The following ASXL1 variants were observed in gnomAD, a reference collection of about 807,000 sequenced individuals.
The protein encoded by ASXL1 is ASXL transcriptional regulator 1.
Under a neutral mutation model 89.1 loss-of-function variants are expected in ASXL1, and 65 were observed. That is an observed-to-expected ratio of 0.73 (90% CI 0.60 to 0.90). ASXL1 has a LOEUF of 0.90. Among genes scored for constraint, ASXL1 ranks in the 40% least tolerant of loss-of-function variants. The probability of loss-of-function intolerance (pLI) is 0.00; values close to 1 mark genes in which losing one functional copy is unlikely to be tolerated. For missense variants in ASXL1, 1,786 were observed against 1,942.9 expected (o/e 0.92, Z 1.52); for synonymous variants, 739 against 746.9 (o/e 0.99, Z 0.17).
At chr20:32,409,194 C>T (rs1435832905) in intron 4 of ASXL1, among the ~76,000 whole-genome samples, 1 of 151,978 alleles carries the variant, frequency 6.6e-6, no homozygotes, top group Non-Finnish European at 1.5e-5. Context: ...AGGCTGTTCT[C>T]AAACTCTTGA....
Position 32,429,803 on chromosome 20 carries a change from TG to T in ASXL1, c.566-96del. 2 of 1,486,636 alleles carry T rather than the reference TG, an allele frequency of 1.3e-6. No homozygotes were observed. Among genetic ancestry groups the T allele is most frequent in the East Asian group, 2.3e-5 (1 of 44,118 alleles). 92.1% of individuals were successfully genotyped at this position (1,486,636 alleles called of 1,614,324 possible). ...GGAGATGGAAGCATCCCAGTATTGC[TG>T]GCAGCATCTCAGGGAGAGCTGGGAG... On this transcript the variant is annotated intron_variant, in intron 7 of 12. Transcript: ENST00000375687. The surrounding 1 kb of genome is among the most constrained non-coding windows in gnomAD (Gnocchi z 4.9).
At chr20:32,365,111 TA>T (rs2122800053) in intron 1 of ASXL1, among the ~76,000 whole-genome samples, 1 of 152,170 alleles carries the variant, frequency 6.6e-6, no homozygotes, top group South Asian at 2.1e-4. Flanking sequence ...TTAGATGAAT[TA>T]AGAGTAGAGC....
chr20:32,393,835 G>A (rs908270960), intron 4 of ASXL1, among the ~76,000 whole-genome samples: 2 of 151,558 alleles, frequency 1.3e-5, no homozygotes, highest in African/African-American at 2.4e-5. Flanking sequence ...TGTTTTTTTC[G>A]TTTTTGTTTT....
intron 12 of ASXL1, 169 bp downstream of exon 12, chr20:32,434,086 T>C (rs1229546402): frequency 1.0e-6 from 1 of 985,054 alleles, no homozygotes; most frequent in Admixed American, 2.8e-5. Context: ...ATAGGTTCTT[T>C]TCTTCCTCAC....
intron 4 of ASXL1, among the ~76,000 whole-genome samples, chr20:32,414,612 A>G (rs1302648829): frequency 6.6e-6 from 1 of 152,136 alleles, no homozygotes; most frequent in East Asian, 1.9e-4. Flanking sequence ...AATTTTATTT[A>G]TCTTTGTTTC....
intron 4 of ASXL1, among the ~76,000 whole-genome samples, chr20:32,369,998 C>T (rs9798511): frequency 0.35 from 53,602 of 151,728 alleles, 10,529 homozygotes; most frequent in East Asian, 0.74. Flanking sequence ...GGATTACAGG[C>T]GTGAGCCACT....
Position 32,436,658 on chromosome 20 carries a change from C to G in ASXL1, c.3946C>G (p.Arg1316Gly), listed in dbSNP as rs773951405. The G allele has an allele frequency of 1.2e-6, 2 of 1,614,062 alleles. No homozygotes were observed. Among genetic ancestry groups the G allele is most frequent in the South Asian group, 2.2e-5 (2 of 91,082 alleles). ...TGGGAATGTGGCTGCAACCCTTCAG[C>G]GCCCCAGGCCTGCGGACCCGATGCC... ...GSGNVAATLQ[R>G]PRPADPMPLP... The change falls in exon 13 of 13, where the codon CGC becomes GGC. Residue 1316 changes from arginine to glycine, a missense_variant. Arg to Gly is a moderately radical substitution (Grantham distance 125). Around this residue, in one of 3 missense-constraint regions of ASXL1, gnomAD observed 1,418 missense variants for 1,427.8 expected, o/e 0.99. Transcript: ENST00000375687.
chr20:32,390,022 C>T (rs1024699668), intron 4 of ASXL1, among the ~76,000 whole-genome samples: 1 of 152,112 alleles, frequency 6.6e-6, no homozygotes, highest in Non-Finnish European at 1.5e-5. Flanking sequence ...ACAGATGGTC[C>T]TTGACTTATG....
At chr20:32,370,726 T>C (rs1055144281) in intron 4 of ASXL1, among the ~76,000 whole-genome samples, 2 of 152,174 alleles carry the variant, frequency 1.3e-5, no homozygotes, top group African/African-American at 2.4e-5. Flanking sequence ...TAAATAAAGT[T>C]TATCTTGGGG....
At position 32,433,711 on chromosome 20, in the gene ASXL1, G is replaced by A. The variant is rs561374294; in HGVS notation, c.1513G>A (p.Asp505Asn). Residue 505 changes from aspartate (D) to asparagine (N), a missense_variant, in exon 12 of 13, where the codon GAC (aspartate) becomes AAC (asparagine). Around this residue, in one of 3 missense-constraint regions of ASXL1, gnomAD observed 1,418 missense variants for 1,427.8 expected, o/e 0.99. Coordinates refer to ENST00000375687, the MANE Select transcript of ASXL1 (RefSeq NM_015338.6). ...CTTGGCACGTGCCTCTGCATCTCCAGACAGAATTCCTAGCCTGCCTCAGGA... is the reference window on the plus strand; with the variant it reads ...CTTGGCACGTGCCTCTGCATCTCCAAACAGAATTCCTAGCCTGCCTCAGGA... Reference protein sequence around the residue: ...DNLARASASPDRIPSLPQETV... With the variant: ...DNLARASASPNRIPSLPQETV... 9 of 1,612,922 alleles carry A rather than the reference G, an allele frequency of 5.6e-6. No homozygotes were observed. The African/African-American group carries it at 1.1e-4, about 19-fold the overall frequency.
rs1465626973 is a variant in ASXL1, at chr20:32,435,761, G to C, written c.3049G>C (p.Asp1017His). The stretch of plus-strand genomic sequence containing the variant: ...CCTCACGGAGGACAGCAGTGAGGCT[G>C]ACACTAGAGAAGCTGCAGTGACAAA... ...GHLTEDSSEADTREAAVTKGS... is the reference protein window; with the variant it reads ...GHLTEDSSEAHTREAAVTKGS... Residue 1017 changes from aspartate (D) to histidine (H), a missense_variant, in exon 13 of 13, where the codon GAC becomes CAC. Around this residue, in one of 3 missense-constraint regions of ASXL1, gnomAD observed 1,418 missense variants for 1,427.8 expected, o/e 0.99. Transcript: ENST00000375687. 6.2e-7 allele frequency: 1 copy of C among 1,614,106 alleles called. No homozygotes were observed. The highest frequency in any genetic ancestry group is 8.5e-7 in the Non-Finnish European group (1 of 1,180,052).
chr20:32,418,552 A>C (rs1333040666), intron 4 of ASXL1, among the ~76,000 whole-genome samples: 1 of 152,146 alleles, frequency 6.6e-6, no homozygotes, highest in Non-Finnish European at 1.5e-5. Flanking sequence ...GTCTGATTGC[A>C]TAATATTTCC....
chr20:32,398,642 C>T (rs1452064019), intron 4 of ASXL1, among the ~76,000 whole-genome samples: 1 of 129,530 alleles, frequency 7.7e-6, no homozygotes, highest in African/African-American at 2.9e-5. Flanking sequence ...CGGAGTCTTG[C>T]TCTGTCGCCC....
chr20:32,422,739 A>G (rs1301203158), intron 4 of ASXL1, among the ~76,000 whole-genome samples: 1 of 151,522 alleles, frequency 6.6e-6, no homozygotes. Flanking sequence ...AGCGTGCACC[A>G]CCATGCCCGG....
intron 4 of ASXL1, among the ~76,000 whole-genome samples, chr20:32,402,963 T>C (rs188931528): frequency 7.8e-4 from 119 of 152,294 alleles, no homozygotes; most frequent in African/African-American, 2.7e-3. Flanking sequence ...TTTATAGTTT[T>C]TTTTGGTGTC....
chr20:32,433,080 A>G (rs56016114), intron 11 of ASXL1, 95 bp downstream of exon 11: 7 of 1,567,886 alleles, frequency 4.5e-6, no homozygotes, highest in Non-Finnish European at 6.0e-6. Flanking sequence ...TTGGACAAGA[A>G]TGTGGAGATT....
In ASXL1 at chr20:32,437,435, CTT is replaced by C; in HGVS notation, c.*99_*100del. On this transcript the variant is annotated 3_prime_UTR_variant, in exon 13 of 13. Coordinates refer to ENST00000375687, the MANE Select transcript of ASXL1 (RefSeq NM_015338.6). ...TACAGAATATCATTGATATAATACT[CTT>C]TAGGCAGGAGCACTCTTGCCTTCCC... 3.9e-6 allele frequency: 6 copies of C among 1,552,940 alleles called. No individual in the cohort carries two copies. The highest frequency in any genetic ancestry group is 5.3e-6 in the Non-Finnish European group (6 of 1,128,564).
Position 32,429,698 on chromosome 20 carries a change from TAA to T in ASXL1, c.566-201_566-200del. ...TGTAAAAGGTGTAGTGCTATACAAA[TAA>T]AGATGGCAGTTTGGCACCTGTAAGG... is the stretch of plus-strand genomic sequence containing the variant. On this transcript the variant is annotated intron_variant, in intron 7 of 12. Coordinates refer to ENST00000375687, the MANE Select transcript of ASXL1 (RefSeq NM_015338.6). The surrounding 1 kb of genome is among the most constrained non-coding windows in gnomAD (Gnocchi z 4.9). The T allele has an allele frequency of 1.3e-6, 1 of 749,278 alleles. No individual in the cohort carries two copies. The highest frequency in any genetic ancestry group is 1.8e-5 in the South Asian group (1 of 54,796). The allele number at this position is 749,278 out of a possible 1,614,324, so 46.4% of individuals were successfully genotyped here.
chr20:32,387,195 A>G (rs992756583), intron 4 of ASXL1, among the ~76,000 whole-genome samples: 1 of 152,084 alleles, frequency 6.6e-6, no homozygotes, highest in Non-Finnish European at 1.5e-5. Flanking sequence ...AATCCCAGTT[A>G]CTCAGGAGGC....
Sources: allele counts gnomAD v4.1 joint callset (sites outside exome capture counted in the v4.1 genomes callset), GRCh38; gene constraint gnomAD v4.1.1; regional missense constraint gnomAD v4.1.1; non-coding constraint Gnocchi (gnomAD v3.1); transcripts MANE v1.5; gene names NCBI Gene and HGNC (gene_info 2026-07-23, HGNC 2026-07-21).